Variants in TMEM132D observed in about 807,000 individuals in gnomAD.
TMEM132D encodes the protein transmembrane protein 132D, also known as mature OL transmembrane protein.
Under a neutral mutation model 62.3 loss-of-function variants are expected in TMEM132D, and 21 were observed. The observed-to-expected ratio is 0.34, with a 90% CI of 0.24 to 0.49. The LOEUF is 0.49. Ranked by LOEUF, TMEM132D falls within the 20% of genes least tolerant of loss-of-function variation. TMEM132D has a pLI of 0.99. For missense variants in TMEM132D, 1,346 were observed against 1,402.8 expected, an observed-to-expected ratio of 0.96 and a Z score of 0.65; for synonymous variants, 621 against 575.6, an observed-to-expected ratio of 1.08 and a Z score of -1.13.
At chr12:129,640,048 GCACACACACATACACACACACA>G (rs1180954890) in intron 2 of TMEM132D, among the ~76,000 whole-genome samples, 2 of 61,482 alleles carry the variant, frequency 3.3e-5, no homozygotes, top group African/African-American at 1.1e-4. Context: ...CCACACGTGT[GCACACACACATACACACACACA>G]CACACACACG....
intron 5 of TMEM132D, among the ~76,000 whole-genome samples, chr12:129,203,281 A>G (rs1334670684): frequency 6.6e-6 from 1 of 152,218 alleles, no homozygotes; most frequent in Non-Finnish European, 1.5e-5. Flanking sequence ...ACAGCTCCAG[A>G]GTCACTCTGA....
At chr12:129,768,471 A>AGGAAAATT (rs1870627974) in intron 1 of TMEM132D, among the ~76,000 whole-genome samples, 1 of 151,064 alleles carries the variant, frequency 6.6e-6, no homozygotes, top group Non-Finnish European at 1.5e-5. Flanking sequence ...TTCCTTAAAA[A>AGGAAAATT]TTTAAGGAAC....
At position 129,490,673 on chromosome 12, in the gene TMEM132D, T is replaced by TC. The variant is rs1188706702; in HGVS notation, c.1115+40385dup. Among the ~76,000 whole-genome samples the TC allele has an allele frequency of 2.1e-5, 3 of 140,724 alleles. No homozygotes were observed. In the East Asian group the frequency reaches 6.5e-4, roughly 30 times the overall value. 92.3% of individuals were successfully genotyped at this position (140,724 alleles called of 152,430 possible). A position where few individuals can be genotyped will look rare whatever the true frequency, so the allele number is the denominator to read the frequency against. On this transcript the variant is annotated intron_variant, in intron 3 of 8. Coordinates refer to ENST00000422113, the MANE Select transcript of TMEM132D (RefSeq NM_133448.3). ...TTTCACCGTGTTAGCCAGGATGGTC[T>TC]CCATCTCCTGACCTCGTGATCTGTC...
At chr12:129,883,569 CA>C (rs1874668544) in intron 1 of TMEM132D, among the ~76,000 whole-genome samples, 1 of 152,070 alleles carries the variant, frequency 6.6e-6, no homozygotes, top group Non-Finnish European at 1.5e-5. Context: ...CATTTCAAAT[CA>C]AAAGATTTAG....
chr12:129,791,698 G>A (rs1435409049), intron 1 of TMEM132D, among the ~76,000 whole-genome samples: 1 of 152,082 alleles, frequency 6.6e-6, no homozygotes, highest in Non-Finnish European at 1.5e-5. Flanking sequence ...ACATTTCCAA[G>A]AACCAAGGTT....
intron 3 of TMEM132D, among the ~76,000 whole-genome samples, chr12:129,527,083 T>G (rs1482993371): frequency 6.6e-6 from 1 of 152,162 alleles, no homozygotes; most frequent in African/African-American, 2.4e-5. Flanking sequence ...CCAAGGCAGG[T>G]AGATTGCTTG....
intron 5 of TMEM132D, among the ~76,000 whole-genome samples, chr12:129,134,807 CCTT>C (rs1565974821): frequency 6.6e-6 from 1 of 152,068 alleles, no homozygotes; most frequent in Non-Finnish European, 1.5e-5. Context: ...CTTTACTTCT[CCTT>C]CTTCTCCTAA....
chr12:129,542,335 G>A (rs1051417620), intron 2 of TMEM132D, among the ~76,000 whole-genome samples: 1 of 152,080 alleles, frequency 6.6e-6, no homozygotes, highest in African/African-American at 2.4e-5. Context: ...AGCCTTCATG[G>A]TTACCAGTGT....
chr12:129,464,325 T>C (rs1873805193), intron 3 of TMEM132D, among the ~76,000 whole-genome samples: 2 of 152,326 alleles, frequency 1.3e-5, no homozygotes, highest in Non-Finnish European at 1.5e-5. Flanking sequence ...TGGGGTTGTT[T>C]TTTTCTTGTA....
intron 1 of TMEM132D, among the ~76,000 whole-genome samples, chr12:129,789,303 G>A (rs933624603): frequency 6.6e-6 from 1 of 152,030 alleles, no homozygotes; most frequent in African/African-American, 2.4e-5. Context: ...ACTTATAAGG[G>A]AGAACAAACA....
At chr12:129,436,115 GA>G (rs1293709132) in intron 3 of TMEM132D, among the ~76,000 whole-genome samples, 1 of 152,112 alleles carries the variant, frequency 6.6e-6, no homozygotes. Flanking sequence ...CAGCTATCTT[GA>G]GGGCACGTGG....
At chr12:129,212,820 T>C (rs1307688802) in intron 4 of TMEM132D, among the ~76,000 whole-genome samples, 3 of 141,656 alleles carry the variant, frequency 2.1e-5, no homozygotes, top group Admixed American at 7.4e-5. Flanking sequence ...TAGCAGAGAA[T>C]AGGCTGGATG....
intron 2 of TMEM132D, among the ~76,000 whole-genome samples, chr12:129,609,231 C>T (rs1290219691): frequency 6.6e-6 from 1 of 152,140 alleles, no homozygotes; most frequent in African/African-American, 2.4e-5. Context: ...AGGAGTGAGC[C>T]ACCATGCCTG....
chr12:129,701,048 A>G (rs1427550707), intron 1 of TMEM132D, among the ~76,000 whole-genome samples: 1 of 152,168 alleles, frequency 6.6e-6, no homozygotes, highest in Non-Finnish European at 1.5e-5. Flanking sequence ...GAGATTAGCA[A>G]GTGTTAGAAA....
intron 5 of TMEM132D, among the ~76,000 whole-genome samples, chr12:129,094,075 A>G (rs2135630387): frequency 6.6e-6 from 1 of 152,222 alleles, no homozygotes; most frequent in East Asian, 1.9e-4. Flanking sequence ...AACCATAAAA[A>G]CCCTAGAAGA....
chr12:129,166,879 A>C (rs1593283066), intron 5 of TMEM132D, among the ~76,000 whole-genome samples: 1 of 152,084 alleles, frequency 6.6e-6, no homozygotes, highest in African/African-American at 2.4e-5. Context: ...AAACCACACC[A>C]GTTGCTGGGC....
At chr12:129,266,983 C>CA (rs1880714866) in intron 4 of TMEM132D, among the ~76,000 whole-genome samples, 1 of 152,072 alleles carries the variant, frequency 6.6e-6, no homozygotes, top group African/African-American at 2.4e-5. Flanking sequence ...CACTCCCTGG[C>CA]AAAAAGTCCT....
chr12:129,690,909 C>T (rs1045091147), intron 2 of TMEM132D, among the ~76,000 whole-genome samples: 1 of 152,076 alleles, frequency 6.6e-6, no homozygotes, highest in Non-Finnish European at 1.5e-5. Context: ...CTCAAAATCT[C>T]ATGAAACATT....
chr12:129,801,211 C>G (rs1050606666), intron 1 of TMEM132D, among the ~76,000 whole-genome samples: 1 of 152,214 alleles, frequency 6.6e-6, no homozygotes, highest in African/African-American at 2.4e-5. Flanking sequence ...GTGGAGCCCA[C>G]CACAGCTCAA....
Sources: gnomAD v4.1 joint callset for allele counts (sites outside exome capture counted in the v4.1 genomes callset) on GRCh38, gnomAD v4.1.1 for gene constraint, MANE v1.5 for transcripts, NCBI Gene and HGNC (gene_info 2026-07-23, HGNC 2026-07-21) for gene names.